CHKA: variants seen among roughly 807,000 people sequenced by gnomAD.
CHKA encodes CHETK-alpha.
CHKA carries 34 observed loss-of-function variants against 60.1 expected under a neutral mutation model. The ratio of observed to expected loss-of-function variants is 0.57; its 90% CI spans 0.43 to 0.75. The LOEUF is 0.75. Among genes scored for constraint, CHKA ranks in the 30% least tolerant of loss-of-function variants. The pLI, the probability that CHKA is intolerant of heterozygous loss-of-function variation, is 0.00. For missense variants in CHKA, 563 were observed against 561.3 expected (o/e 1.00, Z -0.03); for synonymous variants, 217 against 223.1 (o/e 0.97, Z 0.24).
chr11:68,057,709 T>C (rs997505758), intron 11 of CHKA, among the ~76,000 whole-genome samples: 3 of 152,240 alleles, frequency 2.0e-5, no homozygotes, highest in African/African-American at 7.2e-5. Context: ...TCAAGTTGAC[T>C]GTTGTTTATG....
intron 3 of CHKA, among the ~76,000 whole-genome samples, chr11:68,080,991 T>C (rs1489274525): frequency 1.3e-5 from 2 of 152,128 alleles, no homozygotes; most frequent in Admixed American, 6.5e-5. Context: ...CCATGGAAAA[T>C]GGGTGGCCAC....
chr11:68,076,858 CTT>C (rs1856808004), intron 3 of CHKA, among the ~76,000 whole-genome samples: 1 of 152,182 alleles, frequency 6.6e-6, no homozygotes, highest in African/African-American at 2.4e-5. Flanking sequence ...CAAAAACACA[CTT>C]ATTCTTACGT....
At chr11:68,073,769 G>A (rs1856698000) in intron 4 of CHKA, among the ~76,000 whole-genome samples, 1 of 152,150 alleles carries the variant, frequency 6.6e-6, no homozygotes, top group South Asian at 2.1e-4. Context: ...CCTAGTGCTG[G>A]GCTCCATCTG....
chr11:68,060,727 C>T (rs1419816075), intron 11 of CHKA, among the ~76,000 whole-genome samples: 1 of 152,212 alleles, frequency 6.6e-6, no homozygotes, highest in Non-Finnish European at 1.5e-5. Flanking sequence ...TGTACTGATG[C>T]CTTTATTATC....
chr11:68,101,163 T>G (rs757650568), intron 1 of CHKA, among the ~76,000 whole-genome samples: 1 of 151,956 alleles, frequency 6.6e-6, no homozygotes, highest in South Asian at 2.1e-4. Context: ...TTAGCCAGGA[T>G]GGTCTCGATC....
intron 2 of CHKA, among the ~76,000 whole-genome samples, chr11:68,088,110 CAAAAAAAAA>C (rs55932145): frequency 4.1e-4 from 29 of 71,244 alleles, no homozygotes; most frequent in South Asian, 1.9e-3. Context: ...GAGGCTGTCT[CAAAAAAAAA>C]AAAAAAAAAA....
chr11:68,109,183 G>A (rs4420277), intron 1 of CHKA, among the ~76,000 whole-genome samples: 84,507 of 147,438 alleles, frequency 0.57, 24,150 homozygotes, highest in Middle Eastern at 0.71. Flanking sequence ...TCCACCTCCC[G>A]GGTTCACACC....
intron 6 of CHKA, 32 bp from the exon 7 acceptor site, chr11:68,068,969 C>T (rs112574951): frequency 9.6e-6 from 15 of 1,560,248 alleles, no homozygotes; most frequent in South Asian, 3.3e-5. Context: ...TTACCCATCA[C>T]GCTTCTCAGT....
chr11:68,073,904 A>G (rs1856701460), intron 4 of CHKA, among the ~76,000 whole-genome samples: 1 of 152,174 alleles, frequency 6.6e-6, no homozygotes, highest in African/African-American at 2.4e-5. Context: ...CTCAATGAAA[A>G]TGGGGAATAT....
At chr11:68,085,402 G>A (rs1015766640) in intron 2 of CHKA, among the ~76,000 whole-genome samples, 46 of 148,282 alleles carry the variant, frequency 3.1e-4, no homozygotes, top group African/African-American at 1.1e-3. Context: ...TTTTTTTCTT[G>A]TAGAGACAAG....
rs1234414239 is a variant in CHKA, at chr11:68,120,954, G to GGCGGCGGGGGCTGGGGCA, written c.206_223dup (p.Leu69_Pro74dup). The stretch of plus-strand genomic sequence containing the variant: ...CGGCTGCTCGTCTGCGGGCGGCTGC[G>GGCGGCGGGGGCTGGGGCA]GCGGCGGGGGCTGGGGCAGCGGCAG... On this transcript the variant is annotated inframe_insertion, in exon 1 of 12. Coordinates refer to ENST00000265689, the MANE Select transcript of CHKA (RefSeq NM_001277.3). 13 of 1,163,356 alleles carry GGCGGCGGGGGCTGGGGCA rather than the reference G, an allele frequency of 1.1e-5. No individual in the cohort carries two copies. Among genetic ancestry groups the GGCGGCGGGGGCTGGGGCA allele is most frequent in the Non-Finnish European group, 1.4e-5 (13 of 940,236 alleles). The allele number at this position is 1,163,356 out of a possible 1,614,324, so 72.1% of individuals were successfully genotyped here.
intron 2 of CHKA, among the ~76,000 whole-genome samples, chr11:68,093,445 A>G (rs528080026): frequency 2.0e-5 from 3 of 152,316 alleles, no homozygotes; most frequent in East Asian, 3.9e-4. Context: ...CCTCCCCCCA[A>G]ATTGGAATTA....
intron 11 of CHKA, among the ~76,000 whole-genome samples, chr11:68,057,176 T>C (rs1341152896): frequency 6.6e-6 from 1 of 152,216 alleles, no homozygotes; most frequent in Non-Finnish European, 1.5e-5. Context: ...TCTTCTGTGG[T>C]GATGATTGTT....
chr11:68,098,928 A>G (rs2153024654), intron 1 of CHKA, among the ~76,000 whole-genome samples: 1 of 152,268 alleles, frequency 6.6e-6, no homozygotes, highest in Middle Eastern at 3.4e-3. Flanking sequence ...CAGGTGATCC[A>G]CCCATCTCGG....
chr11:68,067,184 C>T (rs1177521490), intron 7 of CHKA, among the ~76,000 whole-genome samples: 1 of 152,270 alleles, frequency 6.6e-6, no homozygotes, highest in African/African-American at 2.4e-5. Flanking sequence ...CATCCTGCTG[C>T]TGGCACCAGT....
intron 9 of CHKA, 25 bp downstream of exon 9, chr11:68,065,761 A>G: frequency 7.1e-7 from 1 of 1,417,180 alleles, no homozygotes; most frequent in African/African-American, 1.4e-5. Context: ...TTTTCCTATC[A>G]AGTATACAAA....
chr11:68,058,519 A>G (rs1424772623), intron 11 of CHKA, among the ~76,000 whole-genome samples: 2 of 152,156 alleles, frequency 1.3e-5, no homozygotes, highest in East Asian at 1.9e-4. Flanking sequence ...TCCAATGTAC[A>G]TATCTTACAC....
chr11:68,073,488 T>C (rs562948286), intron 4 of CHKA, among the ~76,000 whole-genome samples: 1 of 152,172 alleles, frequency 6.6e-6, no homozygotes, highest in Non-Finnish European at 1.5e-5. Flanking sequence ...ACCCTGTCTC[T>C]ACTAAAACAT....
At chr11:68,078,055 G>C (rs1169819610) in intron 3 of CHKA, among the ~76,000 whole-genome samples, 2 of 152,126 alleles carry the variant, frequency 1.3e-5, no homozygotes, top group Non-Finnish European at 1.5e-5. Flanking sequence ...CGATCCCCTG[G>C]GGACAGAAGA....
Sources: allele counts gnomAD v4.1 joint callset (sites outside exome capture counted in the v4.1 genomes callset), GRCh38; gene constraint gnomAD v4.1.1; transcripts MANE v1.5; gene names NCBI Gene and HGNC (gene_info 2026-07-23, HGNC 2026-07-21).